FCAR: variants seen among roughly 807,000 people sequenced by gnomAD.
FCAR encodes the protein immunoglobulin alpha Fc receptor.
In FCAR, 21 loss-of-function variants were observed where a neutral mutation model predicts 27.1. The observed-to-expected ratio is 0.77, with a 90% confidence interval of 0.55 to 1.11. The LOEUF is 1.11. Ranked by LOEUF, FCAR falls within the 50% of genes most tolerant of loss-of-function variation. The pLI, the probability that FCAR is intolerant of heterozygous loss-of-function variation, is 0.00. For missense variants in FCAR, 404 were observed against 358.4 expected (o/e 1.13, Z -1.03); for synonymous variants, 134 against 135.8 (o/e 0.99, Z 0.09).
chr19:54,883,837 G>A (rs1055257060), intron 2 of FCAR, among the ~76,000 whole-genome samples: 9 of 152,090 alleles, frequency 5.9e-5, no homozygotes, highest in Non-Finnish European at 2.9e-5. Flanking sequence ...GGCGCCTGTA[G>A]TCCCAGCTAC....
chr19:54,881,880 C>CAAATAAATAAAT (rs59590774), intron 2 of FCAR, among the ~76,000 whole-genome samples: 3 of 129,428 alleles, frequency 2.3e-5, no homozygotes, highest in East Asian at 2.2e-4. Context: ...GACTCCGTCT[C>CAAATAAATAAAT]AAATAAATAA....
intron 2 of FCAR, among the ~76,000 whole-genome samples, chr19:54,878,751 A>ATTTT (rs57738807): frequency 0.045 from 5,502 of 121,432 alleles, 170 homozygotes; most frequent in East Asian, 0.081. Flanking sequence ...CAGCTCCTGC[A>ATTTT]TTTTTTTTTT....
intron 2 of FCAR, among the ~76,000 whole-genome samples, chr19:54,879,956 A>G (rs1377028703): frequency 2.0e-5 from 3 of 152,148 alleles, no homozygotes; most frequent in Non-Finnish European, 2.9e-5. Flanking sequence ...AAGTGCTGGG[A>G]TTACAGGCGT....
chr19:54,883,890 G>A (rs1470600518), intron 2 of FCAR, among the ~76,000 whole-genome samples: 1 of 152,150 alleles, frequency 6.6e-6, no homozygotes, highest in East Asian at 1.9e-4. Context: ...CCGGGAGGCG[G>A]AGCTTGCAGT....
intron 2 of FCAR, among the ~76,000 whole-genome samples, chr19:54,881,652 C>G (rs2066419505): frequency 6.6e-6 from 1 of 152,004 alleles, no homozygotes; most frequent in South Asian, 2.1e-4. Flanking sequence ...GCGGGCGGAT[C>G]ACGAGGTCGG....
intron 2 of FCAR, among the ~76,000 whole-genome samples, chr19:54,884,850 A>C (rs182536739): frequency 6.6e-6 from 1 of 151,948 alleles, no homozygotes; most frequent in African/African-American, 2.4e-5. Context: ...TCTGTTGCCC[A>C]GGCTGGAGTG....
rs587735181 is a variant in FCAR at position 54,889,925 on chromosome 19, G to T, written c.*62G>T. On this transcript the variant is annotated 3_prime_UTR_variant, in exon 5 of 5. Transcript: ENST00000355524. ...TGGAGTCCGACAAAGCTACTTGAAGGACACAAGAGAGAAAAGCTCACTAAG... is the reference window on the plus strand; with the variant it reads ...TGGAGTCCGACAAAGCTACTTGAAGTACACAAGAGAGAAAAGCTCACTAAG... 32 of 1,209,998 alleles carry T rather than the reference G, an allele frequency of 2.6e-5. No homozygotes were observed. The highest frequency in any genetic ancestry group is 2.6e-5 in the Non-Finnish European group (22 of 842,700). The allele number at this position is 1,209,998 out of a possible 1,614,324, so 75.0% of individuals were successfully genotyped here.
At chr19:54,879,132 C>T (rs981710980) in intron 2 of FCAR, among the ~76,000 whole-genome samples, 2 of 152,056 alleles carry the variant, frequency 1.3e-5, no homozygotes, top group African/African-American at 4.8e-5. Context: ...CCACCTCAGC[C>T]TCCCAAAGTG....
intron 2 of FCAR, among the ~76,000 whole-genome samples, chr19:54,879,378 G>A (rs1439310265): frequency 6.6e-6 from 1 of 152,108 alleles, no homozygotes; most frequent in Non-Finnish European, 1.5e-5. Flanking sequence ...CTATTGGCTG[G>A]TGATGGTCTT....
intron 2 of FCAR, among the ~76,000 whole-genome samples, chr19:54,884,292 T>C (rs1438565075): frequency 6.6e-6 from 1 of 151,236 alleles, no homozygotes; most frequent in African/African-American, 2.5e-5. Context: ...TGCTCTGGGG[T>C]CAATGCCTGC....
Position 54,885,470 on chromosome 19 carries a change from T to C in FCAR, c.306T>C (p.Tyr102=), listed in dbSNP as rs1039951579. 13 of 1,612,360 alleles carry C rather than the reference T, an allele frequency of 8.1e-6. No homozygotes were observed. The highest frequency in any genetic ancestry group is 2.2e-5 in the South Asian group (2 of 91,034). The change falls in exon 3 of 5, where the codon TAT becomes TAC. Residue 102 remains tyrosine (Y), a synonymous_variant. Transcript: ENST00000355524. ...AGGCAGGGCGCTATCAGTGCCAATA[T>C]AGGATAGGGCACTACAGGTTCCGGT... The part of the protein sequence containing the change: ...ANKAGRYQCQ[Y]RIGHYRFRYS...
chr19:54,876,497 G>A (rs10407012), intron 2 of FCAR, among the ~76,000 whole-genome samples: 19,186 of 152,144 alleles, frequency 0.13, 1,386 homozygotes, highest in African/African-American at 0.2. Flanking sequence ...TTTGAAATAT[G>A]TTTCTTCAAT....
At chr19:54,886,877 A>C (rs756206303) in intron 3 of FCAR, among the ~76,000 whole-genome samples, 33 of 152,374 alleles carry the variant, frequency 2.2e-4, no homozygotes, top group Non-Finnish European at 4.0e-4. Flanking sequence ...GCAAGACCAC[A>C]GAAGCAAAGT....
rs932687146 is a variant in FCAR at position 54,885,283 on chromosome 19, C to T, written c.119C>T (p.Pro40Leu). 5.9e-5 allele frequency: 95 copies of T among 1,613,762 alleles called. No homozygotes were observed. Among genetic ancestry groups the T allele is most frequent in the Non-Finnish European group, 8.1e-5 (95 of 1,179,932 alleles). The change falls in exon 3 of 5, where the codon CCC (proline) becomes CTC (leucine). Residue 40 changes from proline to leucine, a missense_variant. Coordinates refer to ENST00000355524, the MANE Select transcript of FCAR (RefSeq NM_002000.4). ...FISAKSSPVI[P>L]LDGSVKIQCQ... is the part of the protein sequence containing the mutation. ...TCTGCCAAATCGAGTCCTGTGATTC[C>T]CTTGGATGGATCTGTGAAAATCCAG...
intron 4 of FCAR, 127 bp from the exon 5 acceptor site, chr19:54,889,522 G>C (rs2066949048): frequency 9.5e-6 from 7 of 733,998 alleles, no homozygotes; most frequent in East Asian, 4.9e-5. Context: ...AGCTCATTGA[G>C]GGGATGCTTG....
Position 54,888,928 on chromosome 19 carries a change from C to T in FCAR, c.649+634C>T, listed in dbSNP as rs968540086. The T allele has an allele frequency of 1.1e-5, 11 of 984,458 alleles. No homozygotes were observed. In the African/African-American group the frequency reaches 1.8e-4, roughly 16 times the overall value. The allele number at this position is 984,458 out of a possible 1,614,324, so 61.0% of individuals were successfully genotyped here. A position where few individuals can be genotyped will look rare whatever the true frequency, so the allele number is the denominator to read the frequency against. On this transcript the variant is annotated intron_variant, in intron 4 of 4. Transcript: ENST00000355524. The stretch of plus-strand genomic sequence containing the variant: ...AGAAAACACAACCTGCCTGGCCGGG[C>T]GTGGTGGCGTGAGCCTGTCGTCCCA...
chr19:54,877,706 T>C (rs58659282), intron 2 of FCAR, among the ~76,000 whole-genome samples: 6,687 of 152,218 alleles, frequency 0.044, 201 homozygotes, highest in South Asian at 0.12. Flanking sequence ...TTGAACTTTT[T>C]CTAGCTTTTT....
intron 3 of FCAR, among the ~76,000 whole-genome samples, chr19:54,886,787 A>C (rs1003759249): frequency 1.3e-5 from 2 of 152,214 alleles, no homozygotes; most frequent in African/African-American, 4.8e-5. Context: ...GTAGTGGTCC[A>C]TTATTTTCAA....
At chr19:54,885,971 G>T (rs1273379321) in intron 3 of FCAR, among the ~76,000 whole-genome samples, 4 of 152,208 alleles carry the variant, frequency 2.6e-5, no homozygotes, top group African/African-American at 7.2e-5. Context: ...CAATCGCTGG[G>T]CGCGGTGGCT....
Sources: gnomAD v4.1 joint callset for allele counts (sites outside exome capture counted in the v4.1 genomes callset) on GRCh38, gnomAD v4.1.1 for gene constraint, MANE v1.5 for transcripts, NCBI Gene and HGNC (gene_info 2026-07-23, HGNC 2026-07-21) for gene names.